Variants in TLN2 observed in about 807,000 individuals in gnomAD.
TLN2 encodes talin-2.
Under a neutral mutation model 294.7 loss-of-function variants are expected in TLN2, and 118 were observed. The ratio of observed to expected loss-of-function variants is 0.40; its 90% CI spans 0.34 to 0.47. The LOEUF (loss-of-function observed/expected upper bound fraction) is 0.47, where lower values mean the gene tolerates loss of function less well. TLN2 is among the 20% of genes least tolerant of loss of function. The pLI is 0.84. For synonymous variants in TLN2, 1,431 were observed against 1,304.5 expected (o/e 1.10, Z -2.09); for missense variants, 3,083 against 3,282.2 (o/e 0.94, Z 1.48).
chr15:62,764,584 TA>T (rs1358791951), intron 40 of TLN2, among the ~76,000 whole-genome samples: 1 of 152,186 alleles, frequency 6.6e-6, no homozygotes, highest in African/African-American at 2.4e-5. Context: ...TCCGTATGTA[TA>T]TGCATGCAGA....
chr15:62,738,201 T>C lies in TLN2; in HGVS notation c.3568-13T>C. ...TTGTACTTAAAGGTGCTTCTCTCTC[T>C]CCACGAATTCAGGTGGCTAAAGCCG... On this transcript the variant is annotated splice_polypyrimidine_tract_variant and intron_variant, in intron 29 of 58. Coordinates refer to ENST00000636159, the MANE Select transcript of TLN2 (RefSeq NM_015059.3). The C allele has an allele frequency of 6.2e-7, 1 of 1,613,066 alleles. No individual in the cohort carries two copies. Among genetic ancestry groups the C allele is most frequent in the South Asian group, 1.1e-5 (1 of 90,704 alleles).
At chr15:62,721,588 G>A (rs565272744) in intron 25 of TLN2, among the ~76,000 whole-genome samples, 28 of 151,916 alleles carry the variant, frequency 1.8e-4, no homozygotes, top group Non-Finnish European at 3.5e-4. Context: ...TCTAAGTGTA[G>A]TTTTATAACA....
At chr15:62,703,164 G>A (rs1164054799) in intron 19 of TLN2, among the ~76,000 whole-genome samples, 1 of 150,480 alleles carries the variant, frequency 6.6e-6, no homozygotes, top group Admixed American at 6.6e-5. Flanking sequence ...GTGCAGTGGC[G>A]TGATCTTGGC....
intron 58 of TLN2, among the ~76,000 whole-genome samples, chr15:62,840,125 G>GAT (rs1473467493): frequency 6.6e-6 from 1 of 152,192 alleles, no homozygotes; most frequent in African/African-American, 2.4e-5. Context: ...CTCAGCTTCA[G>GAT]ATTTCTTCTT....
intron 2 of TLN2, among the ~76,000 whole-genome samples, chr15:62,606,867 T>TG (rs2047495489): frequency 6.6e-6 from 1 of 152,102 alleles, no homozygotes; most frequent in South Asian, 2.1e-4. Flanking sequence ...CTCCTCGCAG[T>TG]GTTTGTTGTA....
chr15:62,694,491 G>A, intron 14 of TLN2, 99 bp downstream of exon 14: 2 of 947,594 alleles, frequency 2.1e-6, no homozygotes, highest in Non-Finnish European at 3.3e-6. Flanking sequence ...CTGTCACCTG[G>A]AGAAGATGAC....
intron 1 of TLN2, among the ~76,000 whole-genome samples, chr15:62,514,668 T>C (rs868481883): frequency 6.6e-6 from 1 of 152,190 alleles, no homozygotes; most frequent in Non-Finnish European, 1.5e-5. Flanking sequence ...GAAATTAATT[T>C]TGTGTCAGGT....
intron 37 of TLN2, among the ~76,000 whole-genome samples, chr15:62,755,957 G>A (rs1237043469): frequency 6.6e-6 from 1 of 152,212 alleles, no homozygotes; most frequent in Admixed American, 6.5e-5. Context: ...CTTAGGGACA[G>A]AACTCTGGTG....
At chr15:62,615,549 A>G (rs931092915) in intron 2 of TLN2, among the ~76,000 whole-genome samples, 5 of 152,218 alleles carry the variant, frequency 3.3e-5, no homozygotes, top group African/African-American at 9.6e-5. Flanking sequence ...ACTAGAAACC[A>G]TTTGTAAAGC....
chr15:62,672,855 T>A (rs537616159), intron 9 of TLN2, among the ~76,000 whole-genome samples: 1 of 152,256 alleles, frequency 6.6e-6, no homozygotes, highest in East Asian at 1.9e-4. Context: ...CTAGAAATTG[T>A]TTTTCAGGAA....
intron 1 of TLN2, among the ~76,000 whole-genome samples, chr15:62,473,066 G>T (rs2037574623): frequency 6.6e-6 from 1 of 152,238 alleles, no homozygotes; most frequent in African/African-American, 2.4e-5. Context: ...CAGTGGGTTT[G>T]CAGAAACCTG....
chr15:62,831,815 A>G (rs1195515145), intron 54 of TLN2: 1 of 152,252 alleles, frequency 6.6e-6, no homozygotes, highest in African/African-American at 2.4e-5. Flanking sequence ...TTCATGGTTC[A>G]AGATGTGGCA....
At chr15:62,430,061 C>T (rs1049249876) in intron 1 of TLN2, among the ~76,000 whole-genome samples, 1 of 152,128 alleles carries the variant, frequency 6.6e-6, no homozygotes, top group Non-Finnish European at 1.5e-5. Context: ...TCTAGTTCTC[C>T]TTTGAGTCCC....
chr15:62,755,322 C>T, intron 36 of TLN2: 1 of 578,908 alleles, frequency 1.7e-6, no homozygotes, highest in South Asian at 2.6e-5. Context: ...TCAGCACCTC[C>T]TTTTTTCTTA....
At chr15:62,405,276 G>C (rs576233065) in intron 1 of TLN2, among the ~76,000 whole-genome samples, 1 of 152,086 alleles carries the variant, frequency 6.6e-6, no homozygotes, top group African/African-American at 2.4e-5. Context: ...AAACTGAATC[G>C]GGAGCCCTAG....
intron 25 of TLN2, 38 bp downstream of exon 25, chr15:62,719,918 C>T (rs777196119): frequency 2.3e-5 from 35 of 1,511,872 alleles, no homozygotes; most frequent in Non-Finnish European, 2.8e-5. Flanking sequence ...CACTCAGAGC[C>T]CTCTTCTGGG....
intron 1 of TLN2, among the ~76,000 whole-genome samples, chr15:62,518,459 A>G (rs2040293981): frequency 6.6e-6 from 1 of 152,232 alleles, no homozygotes; most frequent in South Asian, 2.1e-4. Flanking sequence ...CAAGTTTGGT[A>G]TGACTTTAAA....
rs192614285 is a variant in TLN2, at chr15:62,729,858, G to A, written c.3358+2669G>A. Among the ~76,000 whole-genome samples, 9 of 151,930 alleles carry A rather than the reference G, an allele frequency of 5.9e-5. No homozygotes were observed. The East Asian group carries it at 1.7e-3, about 29-fold the overall frequency. On this transcript the variant is annotated intron_variant, in intron 28 of 58. Coordinates refer to ENST00000636159, the MANE Select transcript of TLN2 (RefSeq NM_015059.3). ...TGCTTGCCTCCTTTCAGATTCATAT[G>A]CATTTTCAAATTCTATTTCCTTCCT...
At chr15:62,674,011 AT>A in intron 10 of TLN2, 121 bp downstream of exon 10, 2 of 624,716 alleles carry the variant, frequency 3.2e-6, no homozygotes, top group Non-Finnish European at 5.4e-6. Flanking sequence ...ATAATAAATG[AT>A]TAGTGACTCA....
Sources: allele counts gnomAD v4.1 joint callset (sites outside exome capture counted in the v4.1 genomes callset), GRCh38; gene constraint gnomAD v4.1.1; transcripts MANE v1.5; gene names NCBI Gene and HGNC (gene_info 2026-07-23, HGNC 2026-07-21).